FBXO11: variants seen among roughly 807,000 people sequenced by gnomAD.
FBXO11 encodes the protein F-box only protein 11.
FBXO11 carries 13 observed loss-of-function variants against 117.0 expected under a neutral mutation model. The observed-to-expected ratio is 0.11, with a 90% CI of 0.07 to 0.18. FBXO11 has a LOEUF of 0.18. Ranked by LOEUF, FBXO11 falls within the 10% of genes least tolerant of loss-of-function variation. The pLI is 1.00. For missense variants in FBXO11, 767 were observed against 1,164.4 expected, an observed-to-expected ratio of 0.66 and a Z score of 4.97; for synonymous variants, 490 against 380.5, an observed-to-expected ratio of 1.29 and a Z score of -3.35.
At chr2:47,900,626 AT>A (rs1678073888) in intron 1 of FBXO11, among the ~76,000 whole-genome samples, 2 of 36,622 alleles carry the variant, frequency 5.5e-5, no homozygotes, top group African/African-American at 1.7e-4. Context: ...ATACACACGT[AT>A]ACACACACGT....
intron 16 of FBXO11, among the ~76,000 whole-genome samples, chr2:47,816,419 G>A (rs1323383675): frequency 1.3e-5 from 2 of 152,074 alleles, no homozygotes; most frequent in Non-Finnish European, 2.9e-5. Flanking sequence ...GGCCTCAGGA[G>A]ATCCTTCCAC....
chr2:47,866,296 A>G (rs1231126074), intron 1 of FBXO11, among the ~76,000 whole-genome samples: 1 of 151,884 alleles, frequency 6.6e-6, no homozygotes, highest in African/African-American at 2.4e-5. Context: ...AATGATTCAA[A>G]ACCCAAAAAT....
chr2:47,896,464 G>T (rs1677675450), intron 1 of FBXO11, among the ~76,000 whole-genome samples: 1 of 151,940 alleles, frequency 6.6e-6, no homozygotes, highest in Admixed American at 6.6e-5. Context: ...TGAGTAGCTG[G>T]GACTACAGGC....
At chr2:47,825,365 G>T in intron 11 of FBXO11, among the ~76,000 whole-genome samples, 1 of 151,760 alleles carries the variant, frequency 6.6e-6, no homozygotes, top group Non-Finnish European at 1.5e-5. Flanking sequence ...GAATAAAAGT[G>T]AATACACACT....
At chr2:47,896,331 T>TTTTC (rs200672021) in intron 1 of FBXO11, among the ~76,000 whole-genome samples, 13 of 96,644 alleles carry the variant, frequency 1.3e-4, no homozygotes, top group Non-Finnish European at 1.4e-4. Context: ...GTTTCTTTTC[T>TTTTC]TTTTTTTTTT....
At chr2:47,901,843 G>T (rs1678323541) in intron 1 of FBXO11, among the ~76,000 whole-genome samples, 1 of 152,110 alleles carries the variant, frequency 6.6e-6, no homozygotes, top group South Asian at 2.1e-4. Flanking sequence ...ACTCCTTCTA[G>T]AATTTTAAAA....
At chr2:47,884,895 CATAAT>C (rs1297892663) in intron 1 of FBXO11, among the ~76,000 whole-genome samples, 4 of 152,150 alleles carry the variant, frequency 2.6e-5, no homozygotes, top group East Asian at 1.9e-4. Flanking sequence ...TCTTGTTATG[CATAAT>C]ATATTAATTA....
At chr2:47,864,508 A>G (rs1464482533) in intron 1 of FBXO11, among the ~76,000 whole-genome samples, 1 of 152,064 alleles carries the variant, frequency 6.6e-6, no homozygotes, top group South Asian at 2.1e-4. Context: ...AATTGCTTGA[A>G]CCCGGGAGGC....
chr2:47,885,622 A>T (rs1676772500), intron 1 of FBXO11, among the ~76,000 whole-genome samples: 1 of 152,192 alleles, frequency 6.6e-6, no homozygotes, highest in African/African-American at 2.4e-5. Context: ...TTGTCTAAGG[A>T]AGAATTTTGT....
intron 1 of FBXO11, among the ~76,000 whole-genome samples, chr2:47,903,740 T>C (rs1267850814): frequency 1.3e-5 from 2 of 152,246 alleles, no homozygotes; most frequent in Admixed American, 1.3e-4. Flanking sequence ...TCCTTAATAT[T>C]AAAGGCTAGA....
intron 1 of FBXO11, among the ~76,000 whole-genome samples, chr2:47,885,854 C>T (rs988393426): frequency 5.9e-5 from 9 of 152,130 alleles, no homozygotes; most frequent in Admixed American, 5.9e-4. Flanking sequence ...ATATCCTTTT[C>T]CCCCTCCTTT....
intron 14 of FBXO11, 138 bp from the exon 15 acceptor site, chr2:47,819,216 T>C: frequency 1.4e-6 from 1 of 721,612 alleles, no homozygotes; most frequent in East Asian, 2.8e-5. Flanking sequence ...GGCAATATTC[T>C]TTTGTTTTGT....
intron 5 of FBXO11, 60 bp downstream of exon 5, chr2:47,835,812 A>T: frequency 7.3e-7 from 1 of 1,373,984 alleles, no homozygotes; most frequent in Non-Finnish European, 9.8e-7. Flanking sequence ...CTTATTTCTT[A>T]AAAGAAAGTT....
chr2:47,814,255 C>T lies in FBXO11; in HGVS notation c.2007-388G>A, dbSNP rs116916584. Reference sequence around the variant, plus strand: ...AGAGTCGCATCAATTTTTTGGTTTACATTATACTGTAGTCTATTAAGTATG... The same window carrying T: ...AGAGTCGCATCAATTTTTTGGTTTATATTATACTGTAGTCTATTAAGTATG... On this transcript the variant is annotated intron_variant, in intron 16 of 22. Coordinates refer to ENST00000403359, the MANE Select transcript of FBXO11 (RefSeq NM_001190274.2). The T allele has an allele frequency of 5.4e-4, 101 of 186,168 alleles. 1 individual carries two copies. The East Asian group carries it at 0.012, about 22-fold the overall frequency. 11.5% of individuals were successfully genotyped at this position (186,168 alleles called of 1,614,324 possible).
chr2:47,890,953 G>A (rs1042569899), intron 1 of FBXO11, among the ~76,000 whole-genome samples: 1 of 151,928 alleles, frequency 6.6e-6, no homozygotes, highest in African/African-American at 2.4e-5. Flanking sequence ...GAGCAGTTGG[G>A]ACCACAGGCA....
intron 16 of FBXO11, among the ~76,000 whole-genome samples, chr2:47,815,944 C>T (rs999431422): frequency 6.6e-6 from 1 of 152,154 alleles, no homozygotes; most frequent in African/African-American, 2.4e-5. Context: ...CATGCATGGC[C>T]CACGCTGGCC....
intron 1 of FBXO11, among the ~76,000 whole-genome samples, chr2:47,840,933 T>A (rs1672965311): frequency 6.6e-6 from 1 of 151,774 alleles, no homozygotes; most frequent in South Asian, 2.1e-4. Context: ...ACACAGTGGC[T>A]CAAGCCTGTA....
At position 47,820,311 on chromosome 2, in the gene FBXO11, C is replaced by G; in HGVS notation, c.1797+51G>C. ...AAAAGCTTGAGGAGAAACCCTTTAT[C>G]CCCCTGGTTTTGATGCATGAGTTTA... is the stretch of plus-strand genomic sequence containing the variant. On this transcript the variant is annotated intron_variant, in intron 14 of 22. Transcript: ENST00000403359. 2.1e-6 allele frequency: 3 copies of G among 1,424,000 alleles called. No homozygotes were observed. The East Asian group carries it at 6.9e-5, about 33-fold the overall frequency. The allele number at this position is 1,424,000 out of a possible 1,614,324, so 88.2% of individuals were successfully genotyped here. A position where few individuals can be genotyped will look rare whatever the true frequency, so the allele number is the denominator to read the frequency against.
rs1263740433 is a variant in FBXO11, at chr2:47,839,738, T to C, written c.264A>G (p.Glu88=). Residue 88 remains glutamate (E), a synonymous_variant, in exon 2 of 23, where the codon GAA becomes GAG. Transcript: ENST00000403359. ...DDDVPADMVA[E]ESGPGAQNSP... Reference sequence around the variant, plus strand: ...TATTTTGTGCACCAGGACCTGATTCTTCTGCAACCATATCTGCAGGCACAT... The same window carrying C: ...TATTTTGTGCACCAGGACCTGATTCCTCTGCAACCATATCTGCAGGCACAT... 8.1e-6 allele frequency: 13 copies of C among 1,613,920 alleles called. No homozygotes were observed. The highest frequency in any genetic ancestry group is 1.1e-5 in the South Asian group (1 of 90,978).
Sources: allele counts gnomAD v4.1 joint callset (sites outside exome capture counted in the v4.1 genomes callset), GRCh38; gene constraint gnomAD v4.1.1; transcripts MANE v1.5; gene names NCBI Gene and HGNC (gene_info 2026-07-23, HGNC 2026-07-21).